DBNDD1: variants seen among roughly 807,000 people sequenced by gnomAD.
The protein encoded by DBNDD1 is dysbindin domain containing 1, also known as dysbindin domain-containing protein 1.
A neutral mutation model predicts 17.0 loss-of-function variants in DBNDD1; 14 were observed. The ratio of observed to expected loss-of-function variants is 0.82; its 90% CI spans 0.54 to 1.29. The LOEUF (loss-of-function observed/expected upper bound fraction) is 1.29, where lower values mean the gene tolerates loss of function less well. Ranked by LOEUF, DBNDD1 falls within the 50% of genes most tolerant of loss-of-function variation. The pLI, the probability that DBNDD1 is intolerant of heterozygous loss-of-function variation, is 0.00. For missense variants in DBNDD1, 221 were observed against 216.2 expected (o/e 1.02, Z -0.14); for synonymous variants, 105 against 102.0 (o/e 1.03, Z -0.18).
At chr16:90,012,711 G>C (rs1400777862) in intron 1 of DBNDD1, among the ~76,000 whole-genome samples, 1 of 151,242 alleles carries the variant, frequency 6.6e-6, no homozygotes, top group South Asian at 2.1e-4. Context: ...CGTCTGCCTC[G>C]GCCTCCCAAA....
intron 1 of DBNDD1, among the ~76,000 whole-genome samples, chr16:90,018,713 C>CACCT (rs2035695826): frequency 6.6e-6 from 1 of 152,186 alleles, no homozygotes. Flanking sequence ...GCTCCACGCG[C>CACCT]ACCTACCCTC....
chr16:90,019,751 C>T (rs1232820093), upstream of DBNDD1: 2 of 666,766 alleles, frequency 3.0e-6, no homozygotes, highest in Non-Finnish European at 5.4e-6. This position sits in a 1 kb window ranked among gnomAD's most constrained non-coding sequence, Gnocchi z 6.1. Context: ...CCGCTGGCGT[C>T]CTCTTGTTCT....
intron 1 of DBNDD1, among the ~76,000 whole-genome samples, chr16:90,015,807 C>T (rs142849885): frequency 6.6e-6 from 1 of 151,160 alleles, no homozygotes; most frequent in Non-Finnish European, 1.5e-5. Context: ...AATAGGCAAG[C>T]GCGTAGACAT....
intron 3 of DBNDD1, chr16:90,006,721 G>A (rs2035435378): frequency 1.7e-6 from 1 of 589,894 alleles, no homozygotes; most frequent in Non-Finnish European, 3.0e-6. Context: ...GTCTTTTCTG[G>A]TGCTCCCCGG....
At chr16:90,017,329 A>T (rs1484567752) in intron 1 of DBNDD1, among the ~76,000 whole-genome samples, 1 of 152,090 alleles carries the variant, frequency 6.6e-6, no homozygotes, top group African/African-American at 2.4e-5. Context: ...CCCCGTCTCT[A>T]CTAAAAGTAC....
intron 1 of DBNDD1, among the ~76,000 whole-genome samples, chr16:90,017,452 G>A (rs902833662): frequency 7.3e-5 from 11 of 151,680 alleles, no homozygotes; most frequent in Admixed American, 1.3e-4. Context: ...CCGAGATCGC[G>A]CCACTGCACT....
chr16:90,011,047 C>G (rs1002400943), intron 1 of DBNDD1, among the ~76,000 whole-genome samples: 1 of 152,264 alleles, frequency 6.6e-6, no homozygotes, highest in South Asian at 2.1e-4. Flanking sequence ...CACCTCCCAC[C>G]TGAGTGGGTG....
Position 90,006,053 on chromosome 16 carries a change from G to A in DBNDD1, c.*282C>T, listed in dbSNP as rs1006433926. ...CTCGGGGCCCAGGAACGAGCTGGAC[G>A]TAAGGCCACTGGGCTGTGCTTGTGC... On this transcript the variant is annotated 3_prime_UTR_variant, in exon 4 of 4. Coordinates refer to ENST00000002501, the MANE Select transcript of DBNDD1 (RefSeq NM_001042610.3). 1.1e-5 allele frequency: 4 copies of A among 373,458 alleles called. No homozygotes were observed. The allele number at this position is 373,458 out of a possible 1,614,324, so 23.1% of individuals were successfully genotyped here. A position where few individuals can be genotyped will look rare whatever the true frequency, so the allele number is the denominator to read the frequency against.
Position 90,010,077 on chromosome 16 carries a change from G to T in DBNDD1, c.32-647C>A, listed in dbSNP as rs745908376. The T allele has an allele frequency of 4.4e-6, 7 of 1,607,206 alleles. No individual in the cohort carries two copies. In the South Asian group the frequency reaches 7.7e-5, roughly 18 times the overall value. ...ATTTATTTTTTTTAGATGGAGTCTC[G>T]CTCTGTCACCCAGGCTGGAGTGCAG... On this transcript the variant is annotated intron_variant, in intron 1 of 3. Coordinates refer to ENST00000002501, the MANE Select transcript of DBNDD1 (RefSeq NM_001042610.3).
At chr16:90,012,257 T>C (rs772939679) in intron 1 of DBNDD1, among the ~76,000 whole-genome samples, 15 of 152,140 alleles carry the variant, frequency 9.9e-5, no homozygotes, top group Non-Finnish European at 1.6e-4. Context: ...TGCAGGGATG[T>C]ACGTCACCGG....
At chr16:90,016,633 C>G (rs1382120991) in intron 1 of DBNDD1, among the ~76,000 whole-genome samples, 1 of 152,150 alleles carries the variant, frequency 6.6e-6, no homozygotes, top group Non-Finnish European at 1.5e-5. Context: ...AGCGAGGGAG[C>G]CAGGAGTTGG....
chr16:90,009,508 G>A (rs2035511306), intron 1 of DBNDD1, 78 bp from the exon 2 acceptor site: 2 of 1,579,268 alleles, frequency 1.3e-6, no homozygotes, highest in Admixed American at 1.7e-5. Flanking sequence ...TGGGTGTGAG[G>A]ACTTGGCACA....
chr16:90,009,236 A>T (rs757629658), intron 2 of DBNDD1, 48 bp downstream of exon 2: 3 of 1,604,062 alleles, frequency 1.9e-6, no homozygotes, highest in Non-Finnish European at 2.5e-6. Flanking sequence ...CTCTTGGGGG[A>T]GCTCACGGGG....
chr16:90,014,695 AT>A (rs1446526258), intron 1 of DBNDD1, among the ~76,000 whole-genome samples: 5 of 152,050 alleles, frequency 3.3e-5, no homozygotes, highest in Non-Finnish European at 7.4e-5. Context: ...AATGAATATC[AT>A]AGTTGACTCT....
rs767793732 is a variant in DBNDD1, at chr16:90,006,403, C to T, written c.409G>A (p.Gly137Ser). The T allele has an allele frequency of 5.6e-6, 9 of 1,606,292 alleles. No homozygotes were observed. Among genetic ancestry groups the T allele is most frequent in the East Asian group, 2.2e-5 (1 of 44,862 alleles). Residue 137 changes from glycine (G) to serine (S), a missense_variant, in exon 4 of 4, where the codon GGC becomes AGC. Gly to Ser is a moderately conservative substitution (Grantham distance 56, BLOSUM62 0). Coordinates refer to ENST00000002501, the MANE Select transcript of DBNDD1 (RefSeq NM_001042610.3). Reference sequence around the variant, plus strand: ...ACTGTGGCCTGCCGCTCGGGGTCGCCTAGGGGCTGCTTCTCGTGGCTCTGC... The same window carrying T: ...ACTGTGGCCTGCCGCTCGGGGTCGCTTAGGGGCTGCTTCTCGTGGCTCTGC... The part of the protein sequence containing the change: ...AEQSHEKQPL[G>S]DPERQATVLD...
At chr16:90,011,776 C>A in intron 1 of DBNDD1, 1 of 417,524 alleles carries the variant, frequency 2.4e-6, no homozygotes. Flanking sequence ...AGGGATACCT[C>A]TCCGCCCAGA....
intron 1 of DBNDD1, among the ~76,000 whole-genome samples, chr16:90,016,462 G>A (rs1156349852): frequency 1.3e-5 from 2 of 152,182 alleles, no homozygotes; most frequent in Non-Finnish European, 2.9e-5. Flanking sequence ...CCAGGGCAGA[G>A]GCAAGCAGGT....
intron 1 of DBNDD1, among the ~76,000 whole-genome samples, chr16:90,014,898 A>G (rs1207897596): frequency 6.6e-6 from 1 of 151,668 alleles, no homozygotes; most frequent in Non-Finnish European, 1.5e-5. Context: ...CCAGCTACTC[A>G]GGAGGCTGAG....
chr16:90,009,634 C>T (rs767418676), intron 1 of DBNDD1: 10 of 731,294 alleles, frequency 1.4e-5, no homozygotes, highest in Non-Finnish European at 1.8e-5. Context: ...TGCTCCTTCC[C>T]CTTGGGCCCT....
Sources: gnomAD v4.1 joint callset for allele counts (sites outside exome capture counted in the v4.1 genomes callset) on GRCh38, gnomAD v4.1.1 for gene constraint, Gnocchi (gnomAD v3.1) non-coding constraint, MANE v1.5 for transcripts, NCBI Gene and HGNC (gene_info 2026-07-23, HGNC 2026-07-21) for gene names.